The following KPNA6 variants were observed in gnomAD, a reference collection of about 807,000 sequenced individuals.
KPNA6 encodes karyopherin subunit alpha 6, also known as importin subunit alpha-7.
Under a neutral mutation model 72.0 loss-of-function variants are expected in KPNA6, and 9 were observed. The observed-to-expected ratio is 0.13, with a 90% confidence interval of 0.08 to 0.22. The LOEUF is 0.22. Among genes scored for constraint, KPNA6 ranks in the 10% least tolerant of loss-of-function variants. The pLI is 1.00. For synonymous variants in KPNA6, 219 were observed against 242.1 expected, an observed-to-expected ratio of 0.90 and a Z score of 0.89; for missense variants, 374 against 655.7, an observed-to-expected ratio of 0.57 and a Z score of 4.69.
intron 1 of KPNA6, among the ~76,000 whole-genome samples, chr1:32,137,007 T>G (rs1352172062): frequency 6.6e-6 from 1 of 152,188 alleles, no homozygotes; most frequent in African/African-American, 2.4e-5. Flanking sequence ...AAAAAAGAAT[T>G]ACTTTGCTTT....
chr1:32,160,468 A>G (rs1374727754), intron 6 of KPNA6, 147 bp from the exon 7 acceptor site: 17 of 643,562 alleles, frequency 2.6e-5, no homozygotes, highest in Non-Finnish European at 3.4e-5. Flanking sequence ...AAGAATTTCA[A>G]TAGGGAGGTT....
At chr1:32,145,378 G>A (rs1641913040) in intron 1 of KPNA6, among the ~76,000 whole-genome samples, 1 of 150,620 alleles carries the variant, frequency 6.6e-6, no homozygotes, top group Middle Eastern at 3.2e-3. Context: ...AAGCTGGAGT[G>A]CAGCAGCACG....
intron 7 of KPNA6, among the ~76,000 whole-genome samples, 173 bp from the exon 8 acceptor site, chr1:32,161,774 G>A (rs1160127865): frequency 6.6e-6 from 1 of 152,142 alleles, no homozygotes; most frequent in Non-Finnish European, 1.5e-5. Context: ...TGAATACTCT[G>A]TATAGAGCCT....
chr1:32,150,470 C>T (rs890949692), intron 1 of KPNA6, among the ~76,000 whole-genome samples: 3 of 151,748 alleles, frequency 2.0e-5, no homozygotes, highest in African/African-American at 7.3e-5. Flanking sequence ...TTTCTGTCTG[C>T]CTCTCAATTT....
chr1:32,156,207 A>G (rs1642140318), intron 2 of KPNA6, among the ~76,000 whole-genome samples: 1 of 151,616 alleles, frequency 6.6e-6, no homozygotes, highest in African/African-American at 2.4e-5. Context: ...GTCCTTGAAT[A>G]TCTTTTCCAT....
intron 1 of KPNA6, among the ~76,000 whole-genome samples, chr1:32,137,868 C>T (rs183102275): frequency 8.9e-4 from 135 of 152,300 alleles, no homozygotes; most frequent in African/African-American, 3.2e-3. Context: ...GGCACAGTGG[C>T]TCACGCCTGT....
intron 1 of KPNA6, among the ~76,000 whole-genome samples, chr1:32,110,636 T>TCA (rs1641230526): frequency 6.6e-6 from 1 of 152,120 alleles, no homozygotes; most frequent in Non-Finnish European, 1.5e-5. Flanking sequence ...CTGGGCAAGG[T>TCA]GGCTCAGGCC....
chr1:32,165,304 C>T (rs1642312512), intron 10 of KPNA6, among the ~76,000 whole-genome samples: 1 of 152,148 alleles, frequency 6.6e-6, no homozygotes, highest in South Asian at 2.1e-4. Context: ...ACTGCCTCAG[C>T]CTCCTGAGTA....
At position 32,149,451 on chromosome 1, in the gene KPNA6, C is replaced by A. The variant is rs146285300; in HGVS notation, c.5-5137C>A. On this transcript the variant is annotated intron_variant, in intron 1 of 13. Coordinates refer to ENST00000373625, the MANE Select transcript of KPNA6 (RefSeq NM_012316.5). ...ATGTTGCCCAGGATGGTCTCTAACT[C>A]CTGGCCTCAGGCAGTCCTATCATCT... is the stretch of plus-strand genomic sequence containing the variant. Among the ~76,000 whole-genome samples, 786 of 152,196 alleles carry A rather than the reference C, an allele frequency of 5.2e-3. 8 individuals carry two copies. The highest frequency in any genetic ancestry group is 0.018 in the African/African-American group (744 of 41,528).
At chr1:32,155,034 C>T (rs1365932187) in intron 2 of KPNA6, among the ~76,000 whole-genome samples, 1 of 150,096 alleles carries the variant, frequency 6.7e-6, no homozygotes, top group Admixed American at 6.7e-5. Context: ...TTGCTTGAAC[C>T]TGGGAGGCGG....
At chr1:32,114,747 T>G (rs1197310295) in intron 1 of KPNA6, among the ~76,000 whole-genome samples, 2 of 152,212 alleles carry the variant, frequency 1.3e-5, no homozygotes, top group Non-Finnish European at 2.9e-5. Flanking sequence ...TCTTCTACAT[T>G]GAAAATCTGT....
intron 1 of KPNA6, among the ~76,000 whole-genome samples, chr1:32,152,947 C>T (rs187898989): frequency 3.9e-5 from 5 of 129,434 alleles, no homozygotes; most frequent in Non-Finnish European, 4.7e-5. Context: ...ACCCAGGAGG[C>T]GGAGGGTTGC....
At chr1:32,161,403 G>A (rs1050107218) in intron 7 of KPNA6, among the ~76,000 whole-genome samples, 1 of 152,172 alleles carries the variant, frequency 6.6e-6, no homozygotes, top group Non-Finnish European at 1.5e-5. Context: ...AAGCGTCATT[G>A]TATCCTTCTC....
chr1:32,157,781 T>C (rs1463252564), intron 4 of KPNA6, among the ~76,000 whole-genome samples: 2 of 152,188 alleles, frequency 1.3e-5, no homozygotes, highest in African/African-American at 4.8e-5. Flanking sequence ...CCCACTAGGA[T>C]ATAAACTCTC....
At chr1:32,168,069 G>A (rs1246910287) in intron 12 of KPNA6, among the ~76,000 whole-genome samples, 2 of 152,124 alleles carry the variant, frequency 1.3e-5, no homozygotes, top group South Asian at 2.1e-4. Context: ...TCAGTAGGCT[G>A]AAGCAGGAGG....
intron 1 of KPNA6, among the ~76,000 whole-genome samples, chr1:32,136,179 C>CAG (rs1324847429): frequency 7.5e-6 from 1 of 132,594 alleles, no homozygotes; most frequent in Non-Finnish European, 1.6e-5. Context: ...TCTAGCTTCT[C>CAG]TCTTTTTTTT....
intron 1 of KPNA6, among the ~76,000 whole-genome samples, chr1:32,119,015 TATATATATATATATATA>T (rs1242317693): frequency 7.8e-4 from 57 of 73,510 alleles, no homozygotes; most frequent in African/African-American, 1.7e-3. Flanking sequence ...TATATATATA[TATATATATATATATATA>T]TTTTTTTTTT....
Position 32,162,405 on chromosome 1 carries a change from C to T in KPNA6, c.792C>T (p.Ser264=), listed in dbSNP as rs139751408. The T allele has an allele frequency of 8.1e-4, 1,313 of 1,612,842 alleles. 12 individuals are homozygous for T. The highest frequency in any genetic ancestry group is 4.0e-3 in the Middle Eastern group (24 of 6,050). Residue 264 remains serine (S), a synonymous_variant, in exon 9 of 14, where the codon AGC becomes AGT. Coordinates refer to ENST00000373625, the MANE Select transcript of KPNA6 (RefSeq NM_012316.5). ...TACTGTCTCGCCTACTCTTCAGCAGCGACTCGGACTTGCTGGCAGATGCTT... is the reference window on the plus strand; with the variant it reads ...TACTGTCTCGCCTACTCTTCAGCAGTGACTCGGACTTGCTGGCAGATGCTT... ...LPVLSRLLFS[S]DSDLLADACW...
At chr1:32,129,939 T>C (rs1256639782) in intron 1 of KPNA6, among the ~76,000 whole-genome samples, 1 of 150,750 alleles carries the variant, frequency 6.6e-6, no homozygotes, top group Non-Finnish European at 1.5e-5. Context: ...ATAAGGAATA[T>C]GTAGTGCTGG....
Sources: allele counts gnomAD v4.1 joint callset (sites outside exome capture counted in the v4.1 genomes callset), GRCh38; gene constraint gnomAD v4.1.1; transcripts MANE v1.5; gene names NCBI Gene and HGNC (gene_info 2026-07-23, HGNC 2026-07-21).